Variants in CELF2 observed in about 807,000 individuals in gnomAD.
CELF2 encodes the protein CUG triplet repeat RNA-binding protein 2.
In CELF2, 8 loss-of-function variants were observed where a neutral mutation model predicts 62.6. The observed-to-expected ratio is 0.13, with a 90% CI of 0.07 to 0.23. The LOEUF is 0.23. Ranked by LOEUF, CELF2 falls within the 10% of genes least tolerant of loss-of-function variation. CELF2 has a pLI of 1.00. For missense variants in CELF2, 333 were observed against 671.0 expected (o/e 0.50, Z 5.56); for synonymous variants, 258 against 250.0 (o/e 1.03, Z -0.30).
chr10:11,313,915 G>A (rs954457753), intron 9 of CELF2, among the ~76,000 whole-genome samples: 7 of 152,144 alleles, frequency 4.6e-5, no homozygotes, highest in African/African-American at 1.7e-4. Context: ...CCACCATCCA[G>A]CAGTGAGTGT....
the CELF2 span, among the ~76,000 whole-genome samples, chr10:10,786,037 T>TA: frequency 8.6e-5 from 13 of 151,992 alleles, no homozygotes; most frequent in South Asian, 6.3e-4. Context: ...AAAACTAATT[T>TA]AAAAAAAATG....
chr10:11,079,906 G>T (rs1405237016), intron 1 of CELF2, among the ~76,000 whole-genome samples: 1 of 152,152 alleles, frequency 6.6e-6, no homozygotes, highest in Non-Finnish European at 1.5e-5. Flanking sequence ...AAGATGCACT[G>T]TACTGCAAGA....
chr10:10,559,402 T>A, the CELF2 span, among the ~76,000 whole-genome samples: 2 of 152,212 alleles, frequency 1.3e-5, no homozygotes, highest in African/African-American at 4.8e-5. Flanking sequence ...TAGTTAAACA[T>A]CCCACAGAAT....
At position 11,242,585 on chromosome 10, in the gene CELF2, C is replaced by T. The variant is rs1370739042; in HGVS notation, c.355-6568C>T. Among the ~76,000 whole-genome samples, 7 of 152,350 alleles carry T rather than the reference C, an allele frequency of 4.6e-5. No individual in the cohort carries two copies. The highest frequency in any genetic ancestry group is 1.9e-4 in the East Asian group (1 of 5,188). On this transcript the variant is annotated intron_variant, in intron 3 of 12. Transcript: ENST00000633077. This position sits in a 1 kb window ranked among gnomAD's most constrained non-coding sequence, Gnocchi z 4.8. The stretch of plus-strand genomic sequence containing the variant: ...CAGCTGTTGGCAGAGCTGTGTGCAG[C>T]GCTCTGTGCATGCACTTACCCCTCA...
the CELF2 span, among the ~76,000 whole-genome samples, chr10:10,462,659 G>A: frequency 1.8e-5 from 2 of 110,636 alleles, no homozygotes; most frequent in African/African-American, 7.2e-5. Context: ...TTTTTAAAGA[G>A]CTGAAGGCTT....
At chr10:10,605,238 A>C in the CELF2 span, among the ~76,000 whole-genome samples, 6 of 148,018 alleles carry the variant, frequency 4.1e-5, no homozygotes, top group East Asian at 1.3e-3. Context: ...ACATGGACAC[A>C]GGGAGGGGAA....
chr10:10,469,668 G>A, the CELF2 span, among the ~76,000 whole-genome samples: 1 of 151,776 alleles, frequency 6.6e-6, no homozygotes, highest in South Asian at 2.1e-4. Context: ...AAATTGGTTG[G>A]GAAGTATTCC....
At position 11,328,899 on chromosome 10, in the gene CELF2, C is replaced by A; in HGVS notation, c.1439-27C>A. On this transcript the variant is annotated intron_variant, in intron 12 of 12. Coordinates refer to ENST00000633077, the MANE Select transcript of CELF2 (RefSeq NM_001326342.2). This position sits in a 1 kb window ranked among gnomAD's most constrained non-coding sequence, Gnocchi z 6.4. ...TTTTCTGCTGGGCTTCCTCTCCAGG[C>A]TGACTCCCTCTCTCGGTATTTTCCA... The A allele has an allele frequency of 6.3e-7, 1 of 1,598,218 alleles. No individual in the cohort carries two copies. The highest frequency in any genetic ancestry group is 8.6e-7 in the Non-Finnish European group (1 of 1,168,828).
At chr10:11,275,761 G>A (rs1268059319) in intron 8 of CELF2, among the ~76,000 whole-genome samples, 3 of 152,170 alleles carry the variant, frequency 2.0e-5, no homozygotes, top group African/African-American at 4.8e-5. Flanking sequence ...AATGAGCTGC[G>A]CCAGTAGTAA....
chr10:10,585,567 A>T, the CELF2 span, among the ~76,000 whole-genome samples: 3 of 152,200 alleles, frequency 2.0e-5, no homozygotes, highest in Non-Finnish European at 4.4e-5. Flanking sequence ...ATTTAACCTT[A>T]TTCTGTTTTT....
the CELF2 span, among the ~76,000 whole-genome samples, chr10:10,588,180 G>A: frequency 5.3e-5 from 8 of 152,240 alleles, no homozygotes; most frequent in East Asian, 1.9e-4. Context: ...TGATGGCCCC[G>A]TGACCCATTA....
the CELF2 span, among the ~76,000 whole-genome samples, chr10:10,710,619 GA>G: frequency 6.6e-6 from 1 of 151,404 alleles, no homozygotes; most frequent in East Asian, 1.9e-4. Context: ...CTTGAAATCT[GA>G]TTTTTTTTTT....
chr10:10,712,156 A>AAC, the CELF2 span, among the ~76,000 whole-genome samples: 3 of 143,342 alleles, frequency 2.1e-5, no homozygotes, highest in African/African-American at 8.6e-5. Context: ...ACAAAAAAAA[A>AAC]AAAAAAAAAA....
chr10:10,595,069 G>T, the CELF2 span, among the ~76,000 whole-genome samples: 1 of 152,226 alleles, frequency 6.6e-6, no homozygotes, highest in African/African-American at 2.4e-5. Context: ...AGCCCAGATA[G>T]AATAGTTTGT....
chr10:10,551,950 C>CT, the CELF2 span, among the ~76,000 whole-genome samples: 452 of 151,834 alleles, frequency 3.0e-3, 2 homozygotes, highest in African/African-American at 0.01. Flanking sequence ...TTTCAGGGTG[C>CT]TTTTTTTTCT....
At chr10:10,976,684 A>G (rs1232550794) in intron 2 of CELF2, among the ~76,000 whole-genome samples, 1 of 152,186 alleles carries the variant, frequency 6.6e-6, no homozygotes, top group Non-Finnish European at 1.5e-5. Context: ...CAAAATGCTT[A>G]TAAAGTATTG....
At chr10:11,283,613 A>T (rs1298579743) in intron 8 of CELF2, among the ~76,000 whole-genome samples, 1 of 143,100 alleles carries the variant, frequency 7.0e-6, no homozygotes, top group East Asian at 2.3e-4. Flanking sequence ...TGGGGGCTGA[A>T]TGATGGATGG....
chr10:11,243,728 G>A lies in CELF2; in HGVS notation c.355-5425G>A, dbSNP rs1174198980. On this transcript the variant is annotated intron_variant, in intron 3 of 12. Transcript: ENST00000633077. The surrounding 1 kb of genome is among the most constrained non-coding windows in gnomAD (Gnocchi z 4.1). ...TCGTCGAACAGCATAGACAGATCAT[G>A]ACAGCACAGACCACTGAAGATTTTT... is the stretch of plus-strand genomic sequence containing the variant. Among the ~76,000 whole-genome samples, 2 of 152,234 alleles carry A rather than the reference G, an allele frequency of 1.3e-5. No homozygotes were observed.
the CELF2 span, among the ~76,000 whole-genome samples, chr10:10,709,781 A>G: frequency 3.3e-5 from 5 of 152,332 alleles, no homozygotes; most frequent in African/African-American, 1.2e-4. Flanking sequence ...GGCAATTATG[A>G]TCGATTTTAA....
Sources: gnomAD v4.1 joint callset for allele counts (sites outside exome capture counted in the v4.1 genomes callset) on GRCh38, gnomAD v4.1.1 for gene constraint, Gnocchi (gnomAD v3.1) non-coding constraint, MANE v1.5 for transcripts, NCBI Gene and HGNC (gene_info 2026-07-23, HGNC 2026-07-21) for gene names.